The following ZDHHC23 variants were observed in gnomAD, a reference collection of about 807,000 sequenced individuals.
ZDHHC23 encodes the protein zDHHC palmitoyltransferase 23, also known as palmitoyltransferase ZDHHC23.
In ZDHHC23, 41 loss-of-function variants were observed where a neutral mutation model predicts 40.2. That is an observed-to-expected ratio of 1.02 (90% confidence interval 0.79 to 1.32). The LOEUF (loss-of-function observed/expected upper bound fraction) is 1.32. ZDHHC23 is among the 40% of genes most tolerant of loss of function. The probability of loss-of-function intolerance (pLI) is 0.00; values close to 1 mark genes in which losing one functional copy is unlikely to be tolerated. For synonymous variants in ZDHHC23, 204 were observed against 210.2 expected (o/e 0.97, Z 0.26); for missense variants, 471 against 541.5 (o/e 0.87, Z 1.29).
At chr3:113,978,805 A>G in the ZDHHC23 span, 12 of 1,564,402 alleles carry the variant, frequency 7.7e-6, no homozygotes, top group South Asian at 1.0e-4. Context: ...TAGTTTTCTT[A>G]AATAGAATTG....
intron 4 of ZDHHC23, chr3:113,957,485 G>C: frequency 2.8e-6 from 1 of 358,686 alleles, no homozygotes. Context: ...TAACGCTGCA[G>C]GTGAGGCCCG....
downstream of ZDHHC23, chr3:113,965,138 T>C (rs535231602): frequency 6.4e-7 from 1 of 1,550,696 alleles, no homozygotes; most frequent in East Asian, 2.3e-5. Context: ...CTGTCCTAAA[T>C]ATTACACTAA....
At position 113,960,845 on chromosome 3, in the gene ZDHHC23, C is replaced by T; in HGVS notation, c.*2215C>T. The T allele has an allele frequency of 6.9e-7, 1 of 1,458,322 alleles. No individual in the cohort carries two copies. Among genetic ancestry groups the T allele is most frequent in the South Asian group, 1.4e-5 (1 of 70,308 alleles). The allele number at this position is 1,458,322 out of a possible 1,614,324, so 90.3% of individuals were successfully genotyped here. A position where few individuals can be genotyped will look rare whatever the true frequency, so the allele number is the denominator to read the frequency against. The stretch of plus-strand genomic sequence containing the variant: ...TTGAGAACCCATGATGGACAGTTGA[C>T]AGAATGCTTAAACCTGTCAAAAGAT... On this transcript the variant is annotated 3_prime_UTR_variant, in exon 5 of 5. Coordinates refer to ENST00000638807, the MANE Select transcript of ZDHHC23 (RefSeq NM_001320466.2).
chr3:113,967,323 T>C (rs1290346567), downstream of ZDHHC23, among the ~76,000 whole-genome samples: 1 of 152,132 alleles, frequency 6.6e-6, no homozygotes, highest in Non-Finnish European at 1.5e-5. Flanking sequence ...CTACCCTAAC[T>C]GAAAAATGTT....
At position 113,953,718 on chromosome 3, in the gene ZDHHC23, T is replaced by G; in HGVS notation, c.180T>G (p.Ser60=). ...EGCDRWITCK[S]LQPETCERIM... is the part of the protein sequence containing the mutation. ...TGAATAGATGGATTACATGTAAATC[T>G]TTACAGCCAGAGACTTGTGAAAGAA... Residue 60 remains serine, a synonymous_variant, in exon 3 of 5, where the codon TCT becomes TCG. Transcript: ENST00000638807. 6.2e-7 allele frequency: 1 copy of G among 1,613,642 alleles called. No homozygotes were observed. The highest frequency in any genetic ancestry group is 8.5e-7 in the Non-Finnish European group (1 of 1,179,724).
the ZDHHC23 span, among the ~76,000 whole-genome samples, chr3:113,970,630 C>T: frequency 1.6e-4 from 25 of 152,228 alleles, no homozygotes; most frequent in East Asian, 3.7e-3. Flanking sequence ...AGGTTTGTTA[C>T]ATATGTATAC....
rs1263889374 is a variant in ZDHHC23, at chr3:113,962,139, G to C, written c.*3509G>C. 11 of 152,444 alleles carry C rather than the reference G, an allele frequency of 7.2e-5. 1 individual carries two copies. Among genetic ancestry groups the C allele is most frequent in the Admixed American group, 7.2e-4 (11 of 15,286 alleles). The allele number at this position is 152,444 out of a possible 1,614,324, so 9.4% of individuals were successfully genotyped here. On this transcript the variant is annotated 3_prime_UTR_variant, in exon 5 of 5. Coordinates refer to ENST00000638807, the MANE Select transcript of ZDHHC23 (RefSeq NM_001320466.2). ...AATCTGGTTTTCTCAGCGGCAGCTT[G>C]ACATGTGCACCCTTTTGTATTAAAC...
Position 113,958,676 on chromosome 3 carries a change from G to A in ZDHHC23, c.*46G>A, listed in dbSNP as rs761799776. ...CTGAGGGATGATGGCTCCTCCTTCC[G>A]TCTCCCTTCCATTTTACACTTCAGT... On this transcript the variant is annotated 3_prime_UTR_variant, in exon 5 of 5. Coordinates refer to ENST00000638807, the MANE Select transcript of ZDHHC23 (RefSeq NM_001320466.2). 1.6e-5 allele frequency: 26 copies of A among 1,593,284 alleles called. No individual in the cohort carries two copies. Among genetic ancestry groups the A allele is most frequent in the South Asian group, 1.1e-4 (10 of 89,612 alleles).
the ZDHHC23 span, among the ~76,000 whole-genome samples, chr3:113,973,069 G>C: frequency 6.6e-6 from 1 of 152,098 alleles, no homozygotes; most frequent in African/African-American, 2.4e-5. Flanking sequence ...TGATAAGTAA[G>C]GACTTACTAT....
intron 4 of ZDHHC23, among the ~76,000 whole-genome samples, chr3:113,957,150 C>T (rs929610074): frequency 6.6e-6 from 1 of 152,182 alleles, no homozygotes; most frequent in African/African-American, 2.4e-5. Context: ...GGCCTCAGCG[C>T]CCCCTCCCTG....
chr3:113,975,139 C>T, the ZDHHC23 span, among the ~76,000 whole-genome samples: 1 of 152,118 alleles, frequency 6.6e-6, no homozygotes, highest in Non-Finnish European at 1.5e-5. Flanking sequence ...ACTTCATGTT[C>T]ATACTGTGGT....
At chr3:113,970,468 C>G in the ZDHHC23 span, among the ~76,000 whole-genome samples, 9 of 152,024 alleles carry the variant, frequency 5.9e-5, no homozygotes, top group African/African-American at 2.2e-4. Context: ...CCTGGATGCC[C>G]TTATTTTTTT....
At chr3:113,976,999 G>A in the ZDHHC23 span, among the ~76,000 whole-genome samples, 3 of 152,132 alleles carry the variant, frequency 2.0e-5, no homozygotes, top group Non-Finnish European at 4.4e-5. Context: ...GGACAAACAG[G>A]TTTTGGTGGA....
intron 4 of ZDHHC23, chr3:113,957,559 C>T (rs1387545809): frequency 1.0e-5 from 4 of 400,018 alleles, no homozygotes; most frequent in South Asian, 3.7e-5. Flanking sequence ...GAATACAGTC[C>T]TGCCATTGCT....
At chr3:113,963,821 G>C (rs547385225), downstream of ZDHHC23, among the ~76,000 whole-genome samples, 8 of 152,142 alleles carry the variant, frequency 5.3e-5, no homozygotes, top group South Asian at 1.7e-3. Context: ...CCAGTATTTT[G>C]TAAATGTACT....
chr3:113,973,986 T>C, the ZDHHC23 span, among the ~76,000 whole-genome samples: 3 of 151,570 alleles, frequency 2.0e-5, no homozygotes, highest in Admixed American at 2.0e-4. Flanking sequence ...TTTTTTCTTT[T>C]CTCTTCTGAT....
At chr3:113,976,760 T>G in the ZDHHC23 span, among the ~76,000 whole-genome samples, 2 of 152,180 alleles carry the variant, frequency 1.3e-5, no homozygotes, top group Admixed American at 1.3e-4. Flanking sequence ...TCTGTTGCTA[T>G]CCTCATTTTA....
At chr3:113,965,056 G>C (rs1017006779), downstream of ZDHHC23, 1 of 624,176 alleles carries the variant, frequency 1.6e-6, no homozygotes, top group African/African-American at 1.9e-5. Flanking sequence ...AGCTCGTAGA[G>C]AATAAACCAG....
chr3:113,963,552 C>T (rs1939840291), downstream of ZDHHC23, among the ~76,000 whole-genome samples: 3 of 103,002 alleles, frequency 2.9e-5, no homozygotes, highest in Non-Finnish European at 5.4e-5. Flanking sequence ...GCCTGGGCAA[C>T]ATGGTGAAAC....
Sources: allele counts gnomAD v4.1 joint callset (sites outside exome capture counted in the v4.1 genomes callset), GRCh38; gene constraint gnomAD v4.1.1; transcripts MANE v1.5; gene names NCBI Gene and HGNC (gene_info 2026-07-23, HGNC 2026-07-21).